The following SYT9 variants were observed in gnomAD, a reference collection of about 807,000 sequenced individuals.
The protein encoded by SYT9 is synaptotagmin 9, also known as synaptotagmin-9.
Under a neutral mutation model 48.4 loss-of-function variants are expected in SYT9, and 22 were observed. That is an observed-to-expected ratio of 0.45 (90% CI 0.32 to 0.65). The LOEUF (loss-of-function observed/expected upper bound fraction) is 0.65. SYT9 is among the 30% of genes least tolerant of loss of function. SYT9 has a pLI of 0.03. For synonymous variants in SYT9, 265 were observed against 245.0 expected, an observed-to-expected ratio of 1.08 and a Z score of -0.76; for missense variants, 577 against 622.0, an observed-to-expected ratio of 0.93 and a Z score of 0.77.
chr11:7,277,517 A>AT (rs375213456), intron 1 of SYT9, among the ~76,000 whole-genome samples: 3,146 of 152,012 alleles, frequency 0.021, 87 homozygotes, highest in African/African-American at 0.07. Flanking sequence ...GATTACATCC[A>AT]TTTTTTTTTG....
rs761794324 is a variant in SYT9, at chr11:7,418,128, G to A, written c.1337G>A (p.Arg446His). ...TCCATAGCAGTCATGGACTATGACC[G>A]GTGAGATACCTGGAACTCTTTTCCA... Reference protein sequence around the residue: ...HLSIAVMDYDRVGHNEIIGVC... With the variant: ...HLSIAVMDYDHVGHNEIIGVC... Residue 446 changes from arginine (R) to histidine (H), a missense_variant and splice_region_variant, in exon 5 of 7, where the codon CGT becomes CAT. Physicochemically the swap from Arg to His is conservative, Grantham distance 29. Transcript: ENST00000318881. The A allele has an allele frequency of 6.2e-6, 10 of 1,612,500 alleles. No homozygotes were observed. The highest frequency in any genetic ancestry group is 2.2e-5 in the East Asian group (1 of 44,782).
At chr11:7,426,924 A>G (rs749558664) in intron 6 of SYT9, among the ~76,000 whole-genome samples, 1 of 152,222 alleles carries the variant, frequency 6.6e-6, no homozygotes, top group Non-Finnish European at 1.5e-5. Flanking sequence ...TACATGTAAC[A>G]TGAAATAAGA....
chr11:7,274,730 A>G (rs1190438384), intron 1 of SYT9, among the ~76,000 whole-genome samples: 1 of 152,094 alleles, frequency 6.6e-6, no homozygotes, highest in African/African-American at 2.4e-5. Flanking sequence ...ACCCAACCTG[A>G]TGCATAGAAA....
At chr11:7,379,309 C>G (rs920584356) in intron 3 of SYT9, among the ~76,000 whole-genome samples, 25 of 152,134 alleles carry the variant, frequency 1.6e-4, no homozygotes, top group Non-Finnish European at 3.2e-4. Flanking sequence ...TCCAGTACCC[C>G]AAATTCCTGT....
intron 6 of SYT9, chr11:7,438,079 A>G (rs1847747387): frequency 6.6e-6 from 1 of 152,218 alleles, no homozygotes; most frequent in Non-Finnish European, 1.5e-5. Flanking sequence ...CTGACAGGAA[A>G]TTGTTCCAGT....
intron 3 of SYT9, among the ~76,000 whole-genome samples, chr11:7,332,808 A>C (rs1044721468): frequency 1.3e-5 from 2 of 152,186 alleles, no homozygotes; most frequent in African/African-American, 4.8e-5. Flanking sequence ...GAAAAAAACA[A>C]ATCTTCTACA....
chr11:7,383,978 T>C, intron 3 of SYT9, among the ~76,000 whole-genome samples: 1 of 152,230 alleles, frequency 6.6e-6, no homozygotes, highest in Admixed American at 6.5e-5. Context: ...TTATATAAAA[T>C]GTTAGATTTG....
At position 7,436,743 on chromosome 11, in the gene SYT9, A is replaced by G. The variant is rs150218867; in HGVS notation, c.1467+16108A>G. 1.5e-3 allele frequency among the ~76,000 whole-genome samples: 236 copies of G among 152,362 alleles called. 1 individual carries two copies. Among genetic ancestry groups the G allele is most frequent in the African/African-American group, 5.5e-3 (227 of 41,586 alleles). ...TGTGATCGAAGCAGACAAATTGAGGAGAGCAAAATCATTTAATCAAAGAGG... is the reference window on the plus strand; with the variant it reads ...TGTGATCGAAGCAGACAAATTGAGGGGAGCAAAATCATTTAATCAAAGAGG... On this transcript the variant is annotated intron_variant, in intron 6 of 6. Coordinates refer to ENST00000318881, the MANE Select transcript of SYT9 (RefSeq NM_175733.4).
intron 3 of SYT9, among the ~76,000 whole-genome samples, chr11:7,408,122 A>AT (rs1423930650): frequency 2.6e-5 from 4 of 151,628 alleles, no homozygotes; most frequent in Non-Finnish European, 5.9e-5. Context: ...AGGTAGTATG[A>AT]TTTTGTTTTT....
intron 6 of SYT9, among the ~76,000 whole-genome samples, chr11:7,433,915 C>T (rs939590769): frequency 1.3e-5 from 2 of 152,126 alleles, no homozygotes; most frequent in Admixed American, 6.5e-5. Context: ...GTCAGAATCA[C>T]ATCAAAAAAT....
intron 3 of SYT9, among the ~76,000 whole-genome samples, chr11:7,354,588 A>G (rs751387952): frequency 7.9e-5 from 12 of 152,104 alleles, no homozygotes; most frequent in Non-Finnish European, 1.5e-4. Flanking sequence ...ACCCCTCCTC[A>G]GTTCTGAAAA....
intron 6 of SYT9, among the ~76,000 whole-genome samples, chr11:7,445,917 G>T (rs965828160): frequency 9.9e-5 from 15 of 152,202 alleles, no homozygotes; most frequent in African/African-American, 3.4e-4. Context: ...CAGTGTTTGG[G>T]CTCAGACAAT....
chr11:7,417,711 C>T (rs1359197709), intron 4 of SYT9, among the ~76,000 whole-genome samples: 1 of 152,190 alleles, frequency 6.6e-6, no homozygotes, highest in East Asian at 1.9e-4. Context: ...CAGATGTTTT[C>T]AAACTATTTT....
rs571595131 is a variant in SYT9, at chr11:7,369,483, T to C, written c.1045-46559T>C. On this transcript the variant is annotated intron_variant, in intron 3 of 6. Coordinates refer to ENST00000318881, the MANE Select transcript of SYT9 (RefSeq NM_175733.4). Reference sequence around the variant, plus strand: ...GCTGTGTAAAAGCTCTTTAGTTTAATTATATTCCATTTGTCAGTTTTGGCT... The same window carrying C: ...GCTGTGTAAAAGCTCTTTAGTTTAACTATATTCCATTTGTCAGTTTTGGCT... Among the ~76,000 whole-genome samples the C allele has an allele frequency of 2.6e-5, 4 of 152,334 alleles. No homozygotes were observed. In the South Asian group the frequency reaches 6.2e-4, roughly 24 times the overall value.
At chr11:7,267,374 G>A (rs1324419364) in intron 1 of SYT9, among the ~76,000 whole-genome samples, 1 of 151,582 alleles carries the variant, frequency 6.6e-6, no homozygotes, top group Non-Finnish European at 1.5e-5. Flanking sequence ...ACAATAAAAA[G>A]GAAAAGTTAA....
chr11:7,313,280 A>G, intron 2 of SYT9, 115 bp from the exon 3 acceptor site: 1 of 1,115,946 alleles, frequency 9.0e-7, no homozygotes, highest in Non-Finnish European at 1.2e-6. Context: ...AAAAAGGCCC[A>G]CAGATCTAAG....
At chr11:7,400,104 G>A (rs1169500301) in intron 3 of SYT9, among the ~76,000 whole-genome samples, 1 of 152,220 alleles carries the variant, frequency 6.6e-6, no homozygotes, top group Non-Finnish European at 1.5e-5. Flanking sequence ...GATCAGTGAA[G>A]AGTAAATATA....
chr11:7,409,105 C>G (rs1301242237), intron 3 of SYT9, among the ~76,000 whole-genome samples: 1 of 152,148 alleles, frequency 6.6e-6, no homozygotes, highest in Non-Finnish European at 1.5e-5. Context: ...GAGTTTTTAT[C>G]ATGAAGGGAT....
intron 1 of SYT9, among the ~76,000 whole-genome samples, chr11:7,282,843 A>G (rs1848524427): frequency 1.3e-5 from 2 of 152,038 alleles, no homozygotes; most frequent in Admixed American, 1.3e-4. Flanking sequence ...TTTAAATTAC[A>G]TTTAACTTCT....
Sources: allele counts gnomAD v4.1 joint callset (sites outside exome capture counted in the v4.1 genomes callset), GRCh38; gene constraint gnomAD v4.1.1; transcripts MANE v1.5; gene names NCBI Gene and HGNC (gene_info 2026-07-23, HGNC 2026-07-21).